ITGAX: variants seen among roughly 807,000 people sequenced by gnomAD.
ITGAX encodes integrin subunit alpha X.
In ITGAX, 99 loss-of-function variants were observed where a neutral mutation model predicts 140.2. The ratio of observed to expected loss-of-function variants is 0.71; its 90% CI spans 0.60 to 0.83. ITGAX has a LOEUF of 0.83. Ranked by LOEUF, ITGAX falls within the 40% of genes least tolerant of loss-of-function variation. The pLI is 0.00. For missense variants in ITGAX, 1,444 were observed against 1,482.0 expected (o/e 0.97, Z 0.42); for synonymous variants, 631 against 600.4 (o/e 1.05, Z -0.75).
chr16:31,381,110 G>C, intron 29 of ITGAX, 103 bp downstream of exon 29: 2 of 854,818 alleles, frequency 2.3e-6, no homozygotes, highest in Non-Finnish European at 1.9e-6. Flanking sequence ...TTCTTACTGG[G>C]TCACTTCATA....
At chr16:31,369,088 T>G (rs564263254) in intron 14 of ITGAX, among the ~76,000 whole-genome samples, 2 of 152,184 alleles carry the variant, frequency 1.3e-5, no homozygotes, top group African/African-American at 4.8e-5. Context: ...AAAACCGCCA[T>G]TGTCATCATG....
In ITGAX at chr16:31,357,412, T is replaced by C. The variant is rs531724454; in HGVS notation, c.430+48T>C. The C allele has an allele frequency of 2.6e-5, 33 of 1,266,746 alleles. 1 individual carries two copies. In the South Asian group the frequency reaches 3.0e-4, roughly 11 times the overall value. 78.5% of individuals were successfully genotyped at this position (1,266,746 alleles called of 1,614,324 possible). On this transcript the variant is annotated intron_variant, in intron 5 of 29. Transcript: ENST00000268296. ...CTTTGAGGAGCTCACGCACATCCAA[T>C]TGGGGGTGCGGTGGGCTAGAGACAG...
At chr16:31,380,181 C>T (rs537952945) in intron 26 of ITGAX, 85 bp from the exon 27 acceptor site, 94 of 1,524,208 alleles carry the variant, frequency 6.2e-5, no homozygotes, top group Admixed American at 1.1e-4. Context: ...CGGATATGGC[C>T]GCTGCCCTCA....
In ITGAX at chr16:31,361,163, C is replaced by A; in HGVS notation, c.962C>A (p.Ala321Asp). ...EHIFKVEDFD[A>D]LKDIQNQLKE... is the part of the protein sequence containing the mutation. ...ATATTTAAAGTGGAGGACTTTGATG[C>A]TCTGAAAGATATTCAAAACCAACTG... Residue 321 changes from alanine (A) to aspartate (D), a missense_variant, in exon 9 of 30, where the codon GCT (alanine) becomes GAT (aspartate). By Grantham distance (126) the Ala-to-Asp change is moderately radical. Transcript: ENST00000268296. 6.2e-7 allele frequency: 1 copy of A among 1,613,796 alleles called. No homozygotes were observed.
chr16:31,363,513 C>A, intron 14 of ITGAX, 139 bp downstream of exon 14: 1 of 938,644 alleles, frequency 1.1e-6, no homozygotes. Flanking sequence ...GTGGCGTGGT[C>A]TCAGCTCACT....
At chr16:31,360,618 C>A in intron 8 of ITGAX, 155 bp downstream of exon 8, 1 of 675,732 alleles carries the variant, frequency 1.5e-6, no homozygotes, top group Non-Finnish European at 2.4e-6. Context: ...CTCCTGGGCT[C>A]CAGTGATCCT....
chr16:31,357,405 C>A, intron 5 of ITGAX, 41 bp downstream of exon 5: 2 of 1,337,292 alleles, frequency 1.5e-6, no homozygotes, highest in Non-Finnish European at 2.1e-6. Flanking sequence ...AGCTCACGCA[C>A]ATCCAATTGG....
At position 31,362,771 on chromosome 16, in the gene ITGAX, C is replaced by A; in HGVS notation, c.1359+18C>A. On this transcript the variant is annotated intron_variant, in intron 12 of 29. Coordinates refer to ENST00000268296, the MANE Select transcript of ITGAX (RefSeq NM_000887.5). Reference sequence around the variant, plus strand: ...GGACTCAGGTTGGGCGTGACAGGAGCCAGAGGGGAGGATGAGGGTAGGGGA... The same window carrying A: ...GGACTCAGGTTGGGCGTGACAGGAGACAGAGGGGAGGATGAGGGTAGGGGA... 6.2e-7 allele frequency: 1 copy of A among 1,613,280 alleles called. No homozygotes were observed.
Position 31,360,050 on chromosome 16 carries a change from C to A in ITGAX, c.692C>A (p.Ala231Asp). 6.2e-7 allele frequency: 1 copy of A among 1,611,324 alleles called. No homozygotes were observed. Among genetic ancestry groups the A allele is most frequent in the Non-Finnish European group, 8.5e-7 (1 of 1,180,016 alleles). Reference protein sequence around the residue: ...QLQGFTYTATAIQNVVHRLFH... With the variant: ...QLQGFTYTATDIQNVVHRLFH... The stretch of plus-strand genomic sequence containing the variant: ...CAAGGGTTTACATACACGGCCACCG[C>A]CATCCAAAATGTCGTGTGAGTCCTG... Residue 231 changes from alanine to aspartate, a missense_variant, in exon 7 of 30, where the codon GCC becomes GAC. Transcript: ENST00000268296.
chr16:31,356,085 C>A, intron 2 of ITGAX, 87 bp downstream of exon 2: 1 of 911,632 alleles, frequency 1.1e-6, no homozygotes, highest in Non-Finnish European at 1.7e-6. Flanking sequence ...CTGTTATTTG[C>A]AAACTCTCCT....
At chr16:31,369,148 C>A (rs1230844067) in intron 14 of ITGAX, among the ~76,000 whole-genome samples, 1 of 151,820 alleles carries the variant, frequency 6.6e-6, no homozygotes, top group African/African-American at 2.4e-5. Flanking sequence ...GGGTGGTGGC[C>A]GGGCAGAGGG....
At position 31,371,678 on chromosome 16, in the gene ITGAX, G is replaced by A. The variant is rs146647978; in HGVS notation, c.2054G>A (p.Arg685His). ...TTGGACCTGGCCCTCGACCCTGGCC[G>A]CCTGAGTCCCCGTGCCACCTTCCAG... ...VTLDLALDPG[R>H]LSPRATFQET... The change falls in exon 17 of 30, where the codon CGC becomes CAC. Residue 685 changes from arginine to histidine, a missense_variant. Transcript: ENST00000268296. The A allele has an allele frequency of 1.8e-4, 288 of 1,614,114 alleles. 1 individual carries two copies. Among genetic ancestry groups the A allele is most frequent in the Admixed American group, 1.8e-4 (11 of 60,024 alleles).
In ITGAX at chr16:31,360,058, A is replaced by G. The variant is rs779347658; in HGVS notation, c.700A>G (p.Asn234Asp). 6.2e-7 allele frequency: 1 copy of G among 1,610,084 alleles called. No individual in the cohort carries two copies. The highest frequency in any genetic ancestry group is 1.1e-5 in the South Asian group (1 of 91,076). ...GFTYTATAIQ[N>D]VVHRLFHASY... ...TACATACACGGCCACCGCCATCCAA[A>G]ATGTCGTGTGAGTCCTGATTTCTTC... Residue 234 changes from asparagine (N) to aspartate (D), a missense_variant, in exon 7 of 30, where the codon AAT (asparagine) becomes GAT (aspartate). Asn to Asp is a conservative substitution (Grantham distance 23, BLOSUM62 1). Transcript: ENST00000268296.
intron 20 of ITGAX, among the ~76,000 whole-genome samples, chr16:31,375,272 TC>T (rs1025594246): frequency 8.5e-4 from 129 of 152,274 alleles, no homozygotes; most frequent in African/African-American, 3.0e-3. Flanking sequence ...CGATTCGGCC[TC>T]CCAAAGTACT....
Position 31,361,872 on chromosome 16 carries a change from A to G in ITGAX, c.1049A>G (p.Glu350Gly). The change falls in exon 10 of 30, where the codon GAG (glutamate) becomes GGG (glycine). Residue 350 changes from glutamate to glycine, a missense_variant. By Grantham distance (98) the Glu-to-Gly change is moderately conservative. Coordinates refer to ENST00000268296, the MANE Select transcript of ITGAX (RefSeq NM_000887.5). Reference sequence around the variant, plus strand: ...ACAAGCAGTAGCTCCTTCGAATTGGAGATGGCACAGGAGGGCTTCAGCGCT... The same window carrying G: ...ACAAGCAGTAGCTCCTTCGAATTGGGGATGGCACAGGAGGGCTTCAGCGCT... The part of the protein sequence containing the change: ...ETTSSSSFEL[E>G]MAQEGFSAVF... 1 of 1,613,966 alleles carries G rather than the reference A, an allele frequency of 6.2e-7. No individual in the cohort carries two copies. Among genetic ancestry groups the G allele is most frequent in the Non-Finnish European group, 8.5e-7 (1 of 1,179,964 alleles).
chr16:31,376,315 G>A (rs1745156236), intron 20 of ITGAX, among the ~76,000 whole-genome samples: 1 of 152,136 alleles, frequency 6.6e-6, no homozygotes, highest in African/African-American at 2.4e-5. Flanking sequence ...ATAGCTATGG[G>A]GGAGCTTTTA....
chr16:31,372,406 T>C lies in ITGAX; in HGVS notation c.2189T>C (p.Ile730Thr), dbSNP rs1368049715. The C allele has an allele frequency of 1.2e-6, 2 of 1,609,130 alleles. No individual in the cohort carries two copies. Among genetic ancestry groups the C allele is most frequent in the South Asian group, 1.1e-5 (1 of 90,684 alleles). The change falls in exon 18 of 30, where the codon ATT becomes ACT. Residue 730 changes from isoleucine (I) to threonine (T), a missense_variant. By Grantham distance (89) the Ile-to-Thr change is moderately conservative. Transcript: ENST00000268296. ...PSCVEDSVTP[I>T]TLRLNFTLVG... ...TGCGTGGAGGACTCTGTGACCCCCATTACCTTGCGTCTGAACTTCACGCTG... is the reference window on the plus strand; with the variant it reads ...TGCGTGGAGGACTCTGTGACCCCCACTACCTTGCGTCTGAACTTCACGCTG...
rs761954812 is a variant in ITGAX, at chr16:31,380,503, T to G, written c.3175-20T>G. 2.5e-6 allele frequency: 4 copies of G among 1,614,224 alleles called. No individual in the cohort carries two copies. The highest frequency in any genetic ancestry group is 3.4e-6 in the Non-Finnish European group (4 of 1,180,018). Reference sequence around the variant, plus strand: ...CTCCCCCAGAGCCAGTTCAACAGGTTTCCCCCAACCCCTTTGCAGATATTG... The same window carrying G: ...CTCCCCCAGAGCCAGTTCAACAGGTGTCCCCCAACCCCTTTGCAGATATTG... On this transcript the variant is annotated intron_variant, in intron 27 of 29. Transcript: ENST00000268296.
intron 2 of ITGAX, among the ~76,000 whole-genome samples, 169 bp from the exon 3 acceptor site, chr16:31,356,456 G>A (rs2080760870): frequency 1.3e-5 from 2 of 152,054 alleles, no homozygotes; most frequent in South Asian, 2.1e-4. Flanking sequence ...GTCTCCATAC[G>A]CCAGAGAATC....
Sources: gnomAD v4.1 joint callset for allele counts (sites outside exome capture counted in the v4.1 genomes callset) on GRCh38, gnomAD v4.1.1 for gene constraint, MANE v1.5 for transcripts, NCBI Gene and HGNC (gene_info 2026-07-23, HGNC 2026-07-21) for gene names.